The following TPD52 variants were observed in gnomAD, a reference collection of about 807,000 sequenced individuals.
The protein encoded by TPD52 is tumor protein D52, also known as prostate and colon associated protein.
A neutral mutation model predicts 31.3 loss-of-function variants in TPD52; 17 were observed. The observed-to-expected ratio is 0.54, with a 90% CI of 0.37 to 0.82. The LOEUF is 0.82. TPD52 is among the 40% of genes least tolerant of loss of function. TPD52 has a pLI of 0.00. For synonymous variants in TPD52, 83 were observed against 89.6 expected, an observed-to-expected ratio of 0.93 and a Z score of 0.42; for missense variants, 212 against 240.1, an observed-to-expected ratio of 0.88 and a Z score of 0.77.
intron 1 of TPD52, among the ~76,000 whole-genome samples, chr8:80,144,177 TAA>T (rs2131159318): frequency 6.6e-6 from 1 of 152,350 alleles, no homozygotes; most frequent in South Asian, 2.1e-4. Context: ...TAATATTTTG[TAA>T]TATTACATAT....
intron 1 of TPD52, among the ~76,000 whole-genome samples, chr8:80,079,939 T>A (rs969061928): frequency 1.3e-5 from 2 of 152,150 alleles, no homozygotes; most frequent in Non-Finnish European, 2.9e-5. Context: ...TAACCATCAT[T>A]TTACTAAAGA....
intron 1 of TPD52, among the ~76,000 whole-genome samples, chr8:80,116,806 G>A (rs1230533669): frequency 6.6e-6 from 1 of 150,850 alleles, no homozygotes; most frequent in Non-Finnish European, 1.5e-5. Context: ...TATTTAGTAT[G>A]AGCAAGTAGA....
downstream of TPD52, among the ~76,000 whole-genome samples, chr8:80,031,741 C>T (rs1487022876): frequency 3.3e-5 from 5 of 152,034 alleles, no homozygotes; most frequent in African/African-American, 1.2e-4. Context: ...CCTGTAGTCC[C>T]GGCTACTTGG....
chr8:80,116,184 A>T (rs185557506), intron 1 of TPD52, among the ~76,000 whole-genome samples: 173 of 152,350 alleles, frequency 1.1e-3, no homozygotes, highest in Non-Finnish European at 1.8e-3. Flanking sequence ...GGCATTATTC[A>T]TAACATTAAT....
chr8:80,154,964 T>C (rs1449724226), intron 1 of TPD52, among the ~76,000 whole-genome samples: 1 of 151,332 alleles, frequency 6.6e-6, no homozygotes, highest in Non-Finnish European at 1.5e-5. Flanking sequence ...TTTGTTTGTT[T>C]GGTTGGTTGG....
At chr8:80,138,988 C>T (rs1002120694) in intron 1 of TPD52, among the ~76,000 whole-genome samples, 1 of 152,228 alleles carries the variant, frequency 6.6e-6, no homozygotes, top group Non-Finnish European at 1.5e-5. Flanking sequence ...CTTCTTCCTC[C>T]AGTGCCTCCA....
intron 1 of TPD52, among the ~76,000 whole-genome samples, chr8:80,086,736 G>C (rs574262193): frequency 5.3e-5 from 8 of 151,684 alleles, no homozygotes; most frequent in East Asian, 2.0e-4. Context: ...TAGCTGGTTG[G>C]GGGGGCACGT....
Position 80,146,408 on chromosome 8 carries a change from G to A in TPD52, c.19+25017C>T, listed in dbSNP as rs190308208. 2.3e-4 allele frequency among the ~76,000 whole-genome samples: 35 copies of A among 152,284 alleles called. No individual in the cohort carries two copies. In the East Asian group the frequency reaches 6.6e-3, roughly 29 times the overall value. Reference sequence around the variant, plus strand: ...GCTAGCAGCCCAAAGCCCATTTCAGGTTCAGTTTATAAAGGGTCTAGTAAG... The same window carrying A: ...GCTAGCAGCCCAAAGCCCATTTCAGATTCAGTTTATAAAGGGTCTAGTAAG... On this transcript the variant is annotated intron_variant, in intron 1 of 7. Coordinates refer to ENST00000518937, the MANE Select transcript of TPD52 (RefSeq NM_001025253.3).
At chr8:80,033,567 C>A (rs1046984429), downstream of TPD52, among the ~76,000 whole-genome samples, 1 of 152,126 alleles carries the variant, frequency 6.6e-6, no homozygotes, top group African/African-American at 2.4e-5. Flanking sequence ...AGTCTGGGAG[C>A]GTGTCACCGC....
At chr8:80,164,033 A>AGT (rs1174288564) in intron 1 of TPD52, among the ~76,000 whole-genome samples, 3 of 145,742 alleles carry the variant, frequency 2.1e-5, no homozygotes, top group African/African-American at 7.6e-5. Flanking sequence ...ACAGAGAGAG[A>AGT]GAGAGAGAGA....
At chr8:80,128,270 C>T (rs1808769951) in intron 1 of TPD52, among the ~76,000 whole-genome samples, 1 of 151,680 alleles carries the variant, frequency 6.6e-6, no homozygotes, top group African/African-American at 2.4e-5. Context: ...AACATATCAC[C>T]TCATAATGGT....
At chr8:80,147,950 C>T (rs146783570) in intron 1 of TPD52, among the ~76,000 whole-genome samples, 50 of 152,094 alleles carry the variant, frequency 3.3e-4, no homozygotes, top group Middle Eastern at 3.4e-3. Context: ...AAATAAACGC[C>T]ACAAGAGTAG....
intron 1 of TPD52, among the ~76,000 whole-genome samples, chr8:80,124,936 T>C (rs544582316): frequency 2.0e-5 from 3 of 152,342 alleles, no homozygotes; most frequent in Non-Finnish European, 2.9e-5. Context: ...CTTACTCATA[T>C]TGACATCCCA....
At chr8:80,053,201 C>T in intron 3 of TPD52, 81 bp downstream of exon 3, 2 of 1,477,454 alleles carry the variant, frequency 1.4e-6, no homozygotes, top group Admixed American at 4.1e-5. Context: ...TCCTTATCCT[C>T]TTTTTCTTCC....
At chr8:80,060,728 A>G (rs562852191) in intron 2 of TPD52, among the ~76,000 whole-genome samples, 2 of 152,220 alleles carry the variant, frequency 1.3e-5, no homozygotes, top group East Asian at 1.9e-4. Context: ...AATCATTTCA[A>G]TAGGTGAAAA....
chr8:80,136,738 A>G (rs1398082811), intron 1 of TPD52, among the ~76,000 whole-genome samples: 1 of 152,126 alleles, frequency 6.6e-6, no homozygotes, highest in African/African-American at 2.4e-5. Flanking sequence ...CCTCCTAGGT[A>G]GAGACAAAGG....
At position 80,034,764 on chromosome 8, in the gene TPD52, A is replaced by T. The variant is rs1485848487; in HGVS notation, c.*3352T>A. 6.6e-6 allele frequency: 1 copy of T among 152,196 alleles called. No individual in the cohort carries two copies. The highest frequency in any genetic ancestry group is 1.9e-4 in the East Asian group (1 of 5,198). 9.4% of individuals were successfully genotyped at this position (152,196 alleles called of 1,614,324 possible). A position where few individuals can be genotyped will look rare whatever the true frequency, so the allele number is the denominator to read the frequency against. On this transcript the variant is annotated 3_prime_UTR_variant, in exon 8 of 8. Coordinates refer to ENST00000518937, the MANE Select transcript of TPD52 (RefSeq NM_001025253.3). ...CGTCCATTTACAAATATTCAAACAA[A>T]ACTGTATTTGGCTTTTTCTATATGA... is the stretch of plus-strand genomic sequence containing the variant.
chr8:80,152,518 T>C (rs762919649), intron 1 of TPD52, among the ~76,000 whole-genome samples: 24 of 152,254 alleles, frequency 1.6e-4, no homozygotes, highest in Non-Finnish European at 2.9e-4. Flanking sequence ...CGGTGGCTCA[T>C]GCCTGTAATC....
At chr8:80,119,689 TA>T (rs1808117559) in intron 1 of TPD52, 1 of 159,778 alleles carries the variant, frequency 6.3e-6, no homozygotes, top group South Asian at 1.5e-4. Context: ...TAAGCTTCTT[TA>T]AAATTAAAAG....
Sources: allele counts gnomAD v4.1 joint callset (sites outside exome capture counted in the v4.1 genomes callset), GRCh38; gene constraint gnomAD v4.1.1; transcripts MANE v1.5; gene names NCBI Gene and HGNC (gene_info 2026-07-23, HGNC 2026-07-21).